The following ATP9B variants were observed in gnomAD, a reference collection of about 807,000 sequenced individuals.
ATP9B encodes the protein ATPase phospholipid transporting 9B.
ATP9B carries 110 observed loss-of-function variants against 146.1 expected under a neutral mutation model. The observed-to-expected ratio is 0.75, with a 90% CI of 0.65 to 0.88. The LOEUF (loss-of-function observed/expected upper bound fraction) is 0.88. ATP9B is among the 40% of genes least tolerant of loss of function. ATP9B has a pLI of 0.00. For missense variants in ATP9B, 1,499 were observed against 1,496.4 expected, an observed-to-expected ratio of 1.00 and a Z score of -0.03; for synonymous variants, 604 against 569.7, an observed-to-expected ratio of 1.06 and a Z score of -0.86.
At chr18:79,316,330 T>C (rs1418920086) in intron 15 of ATP9B, among the ~76,000 whole-genome samples, 1 of 152,156 alleles carries the variant, frequency 6.6e-6, no homozygotes, top group Non-Finnish European at 1.5e-5. Flanking sequence ...CACTGCAACC[T>C]TCCACCCGCC....
chr18:79,139,634 A>G (rs79814257), intron 5 of ATP9B, among the ~76,000 whole-genome samples: 3,464 of 152,350 alleles, frequency 0.023, 58 homozygotes, highest in Middle Eastern at 0.034. Flanking sequence ...ACATCAGGGT[A>G]AATGGGGTAT....
intron 12 of ATP9B, among the ~76,000 whole-genome samples, chr18:79,261,241 C>T (rs1362601994): frequency 3.3e-5 from 5 of 152,146 alleles, no homozygotes; most frequent in African/African-American, 4.8e-5. Flanking sequence ...GGTGGACTCC[C>T]ATGCATGCCG....
chr18:79,249,652 A>G (rs2096003727), intron 11 of ATP9B, among the ~76,000 whole-genome samples: 1 of 152,242 alleles, frequency 6.6e-6, no homozygotes, highest in South Asian at 2.1e-4. Flanking sequence ...CCTTCTTTAT[A>G]GAATCTGTAA....
At chr18:79,296,339 ATTAATAAC>A (rs951500955) in intron 13 of ATP9B, among the ~76,000 whole-genome samples, 1 of 152,244 alleles carries the variant, frequency 6.6e-6, no homozygotes, top group Non-Finnish European at 1.5e-5. Context: ...TGAGACAGGA[ATTAATAAC>A]TTAATAACAC....
chr18:79,112,740 G>A (rs1449310310), intron 3 of ATP9B, among the ~76,000 whole-genome samples: 1 of 150,436 alleles, frequency 6.6e-6, no homozygotes, highest in South Asian at 2.1e-4. Context: ...CTGGATGTCC[G>A]TGTTAAAAAA....
At chr18:79,084,870 T>C (rs2073654693) in intron 1 of ATP9B, among the ~76,000 whole-genome samples, 1 of 152,190 alleles carries the variant, frequency 6.6e-6, no homozygotes, top group Non-Finnish European at 1.5e-5. Flanking sequence ...TGTTAAAACT[T>C]GTATAAAAAT....
intron 15 of ATP9B, among the ~76,000 whole-genome samples, chr18:79,328,801 C>T (rs2096774956): frequency 6.6e-6 from 1 of 152,140 alleles, no homozygotes; most frequent in African/African-American, 2.4e-5. Flanking sequence ...ATAACTTGCT[C>T]CCTGTCCCCA....
intron 13 of ATP9B, among the ~76,000 whole-genome samples, chr18:79,303,354 C>A (rs2096603608): frequency 6.6e-6 from 1 of 151,504 alleles, no homozygotes; most frequent in Admixed American, 6.6e-5. Context: ...AGAGTGAGAC[C>A]CAGTCTCCAA....
At chr18:79,266,590 A>G (rs964899715) in intron 12 of ATP9B, among the ~76,000 whole-genome samples, 15 of 152,270 alleles carry the variant, frequency 9.9e-5, no homozygotes, top group African/African-American at 1.9e-4. Flanking sequence ...GTTTGTTTAT[A>G]GAAGCCTTTT....
intron 1 of ATP9B, 142 bp from the exon 2 acceptor site, chr18:79,096,334 G>T: frequency 1.3e-6 from 1 of 759,452 alleles, no homozygotes; most frequent in Non-Finnish European, 2.1e-6. Flanking sequence ...CTTTGCAAAA[G>T]AAAGCAGCCT....
At chr18:79,290,812 C>G (rs114906042) in intron 13 of ATP9B, among the ~76,000 whole-genome samples, 1 of 152,178 alleles carries the variant, frequency 6.6e-6, no homozygotes, top group Non-Finnish European at 1.5e-5. Context: ...TTGATACATC[C>G]GCTGATTATG....
Position 79,143,767 on chromosome 18 carries a change from T to A in ATP9B, c.668-35T>A, listed in dbSNP as rs200898307. ...AAGTTGAACTTGGGTGTGCTGTTGT[T>A]TCCTTGAGTTGACTGTACTTCTTCT... On this transcript the variant is annotated intron_variant, in intron 5 of 29. Transcript: ENST00000426216. 23 of 1,431,504 alleles carry A rather than the reference T, an allele frequency of 1.6e-5. No individual in the cohort carries two copies. In the East Asian group the frequency reaches 1.6e-4, roughly 10 times the overall value. 88.7% of individuals were successfully genotyped at this position (1,431,504 alleles called of 1,614,324 possible).
intron 4 of ATP9B, among the ~76,000 whole-genome samples, chr18:79,122,665 C>T (rs2094210074): frequency 6.6e-6 from 1 of 152,102 alleles, no homozygotes; most frequent in African/African-American, 2.4e-5. Context: ...AATTTTAAGG[C>T]TTTTGACAGC....
chr18:79,094,271 A>G (rs2074598359), intron 1 of ATP9B, among the ~76,000 whole-genome samples: 1 of 152,174 alleles, frequency 6.6e-6, no homozygotes, highest in African/African-American at 2.4e-5. Flanking sequence ...TGAGCCTGGG[A>G]CTTCTGTTGA....
chr18:79,175,062 A>C (rs55677412), intron 7 of ATP9B, among the ~76,000 whole-genome samples: 1 of 151,992 alleles, frequency 6.6e-6, no homozygotes, highest in Admixed American at 6.5e-5. Flanking sequence ...TTAGCTGGGC[A>C]TGGTGGCACG....
intron 17 of ATP9B, among the ~76,000 whole-genome samples, chr18:79,332,004 A>T (rs941800372): frequency 2.0e-5 from 3 of 152,244 alleles, no homozygotes; most frequent in African/African-American, 7.2e-5. Flanking sequence ...CCAACACGTA[A>T]CTGCTGATAG....
intron 8 of ATP9B, among the ~76,000 whole-genome samples, chr18:79,188,519 C>T (rs193140934): frequency 9.9e-4 from 150 of 152,244 alleles, no homozygotes; most frequent in Admixed American, 7.1e-3. Context: ...TTTCCTTCAC[C>T]GGTAAGACCA....
chr18:79,189,453 G>A (rs927067270), intron 8 of ATP9B, among the ~76,000 whole-genome samples: 8 of 151,662 alleles, frequency 5.3e-5, no homozygotes, highest in African/African-American at 1.7e-4. Flanking sequence ...AATCCCCCAC[G>A]CAGTCAAACA....
rs566974413 is a variant in ATP9B, at chr18:79,157,458, T to C, written c.778+2903T>C. On this transcript the variant is annotated intron_variant, in intron 7 of 29. Transcript: ENST00000426216. ...GACTTATAGTTTTGGTTTTGCTTTT[T>C]CTTGTGTTATTTTTGTTTTGGTGTC... Among the ~76,000 whole-genome samples, 156 of 150,488 alleles carry C rather than the reference T, an allele frequency of 1.0e-3. 1 individual carries two copies. The highest frequency in any genetic ancestry group is 3.6e-3 in the African/African-American group (149 of 41,026).
Sources: allele counts gnomAD v4.1 joint callset (sites outside exome capture counted in the v4.1 genomes callset), GRCh38; gene constraint gnomAD v4.1.1; transcripts MANE v1.5; gene names NCBI Gene and HGNC (gene_info 2026-07-23, HGNC 2026-07-21).